SGSM1: variants seen among roughly 807,000 people sequenced by gnomAD.
SGSM1 encodes the protein RUN and TBC1 domain containing 2.
SGSM1 carries 73 observed loss-of-function variants against 133.8 expected under a neutral mutation model. The ratio of observed to expected loss-of-function variants is 0.55; its 90% CI spans 0.45 to 0.66. The LOEUF is 0.66. Among genes scored for constraint, SGSM1 ranks in the 30% least tolerant of loss-of-function variants. SGSM1 has a pLI of 0.00. For missense variants in SGSM1, 1,213 were observed against 1,448.1 expected, an observed-to-expected ratio of 0.84 and a Z score of 2.64; for synonymous variants, 563 against 573.0, an observed-to-expected ratio of 0.98 and a Z score of 0.25.
rs1339425457 is a variant in SGSM1 at position 24,868,042 on chromosome 22, AC to A, written c.995-333del. ...ACAGGGGAAGTCTGAAGGCCTCCAT[AC>A]AAAAATAGGTCAGGTAGACTTGTAA... On this transcript the variant is annotated intron_variant, in intron 10 of 24. Coordinates refer to ENST00000400358, the MANE Select transcript of SGSM1 (RefSeq NM_001098497.3). Among the ~76,000 whole-genome samples, 8 of 152,152 alleles carry A rather than the reference AC, an allele frequency of 5.3e-5. No homozygotes were observed. In the East Asian group the frequency reaches 1.5e-3, roughly 29 times the overall value.
intron 13 of SGSM1, among the ~76,000 whole-genome samples, chr22:24,877,712 T>C (rs1405377342): frequency 6.6e-6 from 1 of 151,758 alleles, no homozygotes; most frequent in African/African-American, 2.4e-5. Flanking sequence ...CCAAACTTCC[T>C]GAATCAGAAC....
At position 24,879,531 on chromosome 22, in the gene SGSM1, G is replaced by A. The variant is rs1258388255; in HGVS notation, c.1495+5G>A. ...TCTCCAGAGCCTTCTATGGATGTAC[G>A]TATAGGGCTCCATTGCCAGTGTGTC... On this transcript the variant is annotated splice_donor_5th_base_variant and intron_variant, in intron 14 of 24. Transcript: ENST00000400358. 4 of 1,612,754 alleles carry A rather than the reference G, an allele frequency of 2.5e-6. No individual in the cohort carries two copies. The highest frequency in any genetic ancestry group is 2.7e-5 in the African/African-American group (2 of 74,914).
chr22:24,920,115 T>C (rs2058043998), intron 24 of SGSM1, 122 bp downstream of exon 24: 2 of 1,025,938 alleles, frequency 1.9e-6, no homozygotes, highest in Non-Finnish European at 2.8e-6. Context: ...AAGAGGGCTC[T>C]GCACACTTCT....
At chr22:24,832,731 G>T (rs1929191307) in intron 2 of SGSM1, among the ~76,000 whole-genome samples, 1 of 152,156 alleles carries the variant, frequency 6.6e-6, no homozygotes, top group South Asian at 2.1e-4. Flanking sequence ...TGCCCTTACG[G>T]TACACAGAAT....
At chr22:24,819,609 G>T (rs367638914) in intron 2 of SGSM1, among the ~76,000 whole-genome samples, 4 of 152,290 alleles carry the variant, frequency 2.6e-5, no homozygotes, top group African/African-American at 7.2e-5. Flanking sequence ...CCAGCTATGT[G>T]CTGGGTCCTG....
At chr22:24,905,236 C>A (rs1398567975) in intron 21 of SGSM1, 49 bp downstream of exon 21, 2 of 1,545,090 alleles carry the variant, frequency 1.3e-6, no homozygotes, top group African/African-American at 2.7e-5. Context: ...TTCCTTTCCA[C>A]TGCATGGCAG....
In SGSM1 at chr22:24,806,282, C is replaced by G; in HGVS notation, c.-44C>G. On this transcript the variant is annotated 5_prime_UTR_variant, in exon 1 of 25. Coordinates refer to ENST00000400358, the MANE Select transcript of SGSM1 (RefSeq NM_001098497.3). Reference sequence around the variant, plus strand: ...CGGCCGGAGGAGCTACCGCCGCCACCGCCGCCACCGCCTCCTGGGACTCGG... The same window carrying G: ...CGGCCGGAGGAGCTACCGCCGCCACGGCCGCCACCGCCTCCTGGGACTCGG... 2 of 1,410,950 alleles carry G rather than the reference C, an allele frequency of 1.4e-6. No homozygotes were observed. Among genetic ancestry groups the G allele is most frequent in the South Asian group, 1.5e-5 (1 of 64,580 alleles). The allele number at this position is 1,410,950 out of a possible 1,614,324, so 87.4% of individuals were successfully genotyped here. A position where few individuals can be genotyped will look rare whatever the true frequency, so the allele number is the denominator to read the frequency against.
Position 24,868,762 on chromosome 22 carries a change from G to A in SGSM1, c.1198G>A (p.Gly400Ser). The A allele has an allele frequency of 6.2e-7, 1 of 1,613,990 alleles. No individual in the cohort carries two copies. Among genetic ancestry groups the A allele is most frequent in the Non-Finnish European group, 8.5e-7 (1 of 1,179,896 alleles). The change falls in exon 12 of 25, where the codon GGT becomes AGT. Residue 400 changes from glycine (G) to serine (S), a missense_variant. Coordinates refer to ENST00000400358, the MANE Select transcript of SGSM1 (RefSeq NM_001098497.3). Reference sequence around the variant, plus strand: ...TAAACTGCGCAAGCGAAGCCCTCAGGGTTCTGCCGAGTCCACATCTTCAGA... The same window carrying A: ...TAAACTGCGCAAGCGAAGCCCTCAGAGTTCTGCCGAGTCCACATCTTCAGA... ...FPKLRKRSPQ[G>S]SAESTSSDKD...
At chr22:24,820,042 G>A (rs1156659693) in intron 2 of SGSM1, among the ~76,000 whole-genome samples, 3 of 152,072 alleles carry the variant, frequency 2.0e-5, no homozygotes, top group South Asian at 2.1e-4. Context: ...GACGCAAGCA[G>A]TGGGCAGGCA....
intron 12 of SGSM1, among the ~76,000 whole-genome samples, chr22:24,871,395 C>T (rs1470936774): frequency 1.3e-5 from 2 of 152,168 alleles, no homozygotes; most frequent in East Asian, 3.9e-4. Flanking sequence ...TCAGCAAGAT[C>T]ATTCCTAAAA....
intron 20 of SGSM1, among the ~76,000 whole-genome samples, chr22:24,902,588 A>G (rs1281223185): frequency 1.3e-5 from 2 of 152,160 alleles, no homozygotes; most frequent in African/African-American, 4.8e-5. Context: ...TGGGAGGTGG[A>G]GGCAGGAGGA....
intron 16 of SGSM1, among the ~76,000 whole-genome samples, chr22:24,890,020 G>A (rs1255984827): frequency 2.3e-4 from 34 of 145,838 alleles, no homozygotes; most frequent in African/African-American, 8.0e-4. Context: ...GCAGTGGCGC[G>A]ATCTCGGCTC....
chr22:24,898,546 G>T lies in SGSM1; in HGVS notation c.2597G>T (p.Gly866Val). The T allele has an allele frequency of 6.2e-7, 1 of 1,605,622 alleles. No individual in the cohort carries two copies. The highest frequency in any genetic ancestry group is 2.2e-5 in the East Asian group (1 of 44,778). ...ANEVSPVSSS[G>V]VTYSPELLDL... Reference sequence around the variant, plus strand: ...GAGGTGTCCCCTGTGTCTTCCAGCGGCGTCACCTACTCTGTAAGTCACCAG... The same window carrying T: ...GAGGTGTCCCCTGTGTCTTCCAGCGTCGTCACCTACTCTGTAAGTCACCAG... The change falls in exon 19 of 25, where the codon GGC becomes GTC. Residue 866 changes from glycine to valine, a missense_variant. Coordinates refer to ENST00000400358, the MANE Select transcript of SGSM1 (RefSeq NM_001098497.3).
chr22:24,855,551 C>T lies in SGSM1; in HGVS notation c.672C>T (p.Ile224=), dbSNP rs765718013. 6.2e-7 allele frequency: 1 copy of T among 1,613,876 alleles called. No individual in the cohort carries two copies. The highest frequency in any genetic ancestry group is 8.5e-7 in the Non-Finnish European group (1 of 1,179,840). ...TGTCTCCCGTCACTCTCTACCAGAT[C>T]CAGAAGAGGCATTCCAGTGGCAGCA... ...DSPTKRPALC[I]QKRHSSGSMD... The change falls in exon 8 of 25, where the codon ATC becomes ATT. Residue 224 remains isoleucine, a splice_region_variant and synonymous_variant. Transcript: ENST00000400358.
chr22:24,861,335 G>A (rs1174976779), intron 9 of SGSM1, among the ~76,000 whole-genome samples: 1 of 147,394 alleles, frequency 6.8e-6, no homozygotes, highest in Non-Finnish European at 1.5e-5. Flanking sequence ...CTGGATGACA[G>A]GGCGAGACTC....
chr22:24,845,838 G>T (rs1930063800), intron 3 of SGSM1, among the ~76,000 whole-genome samples: 1 of 143,342 alleles, frequency 7.0e-6, no homozygotes, highest in Non-Finnish European at 1.5e-5. Context: ...GCTTTCTTGG[G>T]AGGCAAGGAC....
intron 2 of SGSM1, among the ~76,000 whole-genome samples, chr22:24,827,953 C>T (rs139625): frequency 9.2e-5 from 14 of 151,556 alleles, no homozygotes; most frequent in African/African-American, 2.4e-4. Context: ...CAGATGTTGG[C>T]GGACCCCTTA....
chr22:24,878,246 A>G (rs951449246), intron 13 of SGSM1, among the ~76,000 whole-genome samples: 1 of 152,204 alleles, frequency 6.6e-6, no homozygotes, highest in African/African-American at 2.4e-5. Flanking sequence ...AGAAATTCCA[A>G]GTAACTCTTG....
At chr22:24,867,271 A>G (rs924658249) in intron 10 of SGSM1, 111 bp downstream of exon 10, 9 of 1,026,732 alleles carry the variant, frequency 8.8e-6, no homozygotes, top group Admixed American at 2.0e-5. Context: ...TGGACACCCC[A>G]TGTTACCTGT....
Sources: gnomAD v4.1 joint callset for allele counts (sites outside exome capture counted in the v4.1 genomes callset) on GRCh38, gnomAD v4.1.1 for gene constraint, MANE v1.5 for transcripts, NCBI Gene and HGNC (gene_info 2026-07-23, HGNC 2026-07-21) for gene names.